The following PDE4D variants were observed in gnomAD, a reference collection of about 807,000 sequenced individuals.
PDE4D encodes 3',5'-cyclic-AMP phosphodiesterase 4D.
Under a neutral mutation model 87.4 loss-of-function variants are expected in PDE4D, and 24 were observed. The observed-to-expected ratio is 0.27, with a 90% CI of 0.20 to 0.39. PDE4D has a LOEUF of 0.39. Ranked by LOEUF, PDE4D falls within the 10% of genes least tolerant of loss-of-function variation. PDE4D has a pLI of 1.00. For missense variants in PDE4D, 714 were observed against 1,041.0 expected (o/e 0.69, Z 4.32); for synonymous variants, 384 against 383.2 (o/e 1.00, Z -0.02).
At chr5:59,150,101 T>G (rs891362301) in intron 5 of PDE4D, among the ~76,000 whole-genome samples, 4 of 152,028 alleles carry the variant, frequency 2.6e-5, no homozygotes, top group Non-Finnish European at 5.9e-5. Flanking sequence ...GAATATGTTA[T>G]AGTGTGGTGG....
chr5:59,310,491 T>C (rs918042002), intron 1 of PDE4D, among the ~76,000 whole-genome samples: 1 of 152,188 alleles, frequency 6.6e-6, no homozygotes, highest in Admixed American at 6.5e-5. Context: ...AGGGCATCTG[T>C]ATGTGGTCCA....
At chr5:59,561,783 T>C (rs1414124806) in intron 1 of PDE4D, among the ~76,000 whole-genome samples, 1 of 151,516 alleles carries the variant, frequency 6.6e-6, no homozygotes, top group Non-Finnish European at 1.5e-5. Flanking sequence ...TTCAAAAAAA[T>C]TAGCCAGGCA....
At chr5:59,235,240 A>G (rs1388070047) in intron 1 of PDE4D, among the ~76,000 whole-genome samples, 1 of 152,116 alleles carries the variant, frequency 6.6e-6, no homozygotes, top group Non-Finnish European at 1.5e-5. Context: ...CCATGTCCAA[A>G]AAGAGTTCCA....
intron 3 of PDE4D, among the ~76,000 whole-genome samples, chr5:59,978,891 T>G (rs946570832): frequency 1.3e-5 from 2 of 152,236 alleles, no homozygotes; most frequent in South Asian, 2.1e-4. Context: ...TCTGACTTGC[T>G]GAAGGCTCTA....
At chr5:59,310,181 G>GTCTTT (rs1772293797) in intron 1 of PDE4D, among the ~76,000 whole-genome samples, 1 of 152,122 alleles carries the variant, frequency 6.6e-6, no homozygotes, top group Non-Finnish European at 1.5e-5. Context: ...TTCAAAGACT[G>GTCTTT]GAGACCTTCA....
rs139778228 is a variant in PDE4D, at chr5:59,873,167, C to G, written c.455+20001G>C. 3.9e-5 allele frequency among the ~76,000 whole-genome samples: 6 copies of G among 152,276 alleles called. No homozygotes were observed. In the East Asian group the frequency reaches 1.2e-3, roughly 29 times the overall value. On this transcript the variant is annotated intron_variant, in intron 1 of 14. Coordinates refer to ENST00000340635, the MANE Select transcript of PDE4D (RefSeq NM_001104631.2). Reference sequence around the variant, plus strand: ...CAAGTCATTAAGTCTAATTCCAATTCTCTAGTTCGTGGTTTCAAAGGAAAA... The same window carrying G: ...CAAGTCATTAAGTCTAATTCCAATTGTCTAGTTCGTGGTTTCAAAGGAAAA...
intron 5 of PDE4D, among the ~76,000 whole-genome samples, chr5:59,055,646 C>T (rs1412238480): frequency 6.6e-6 from 1 of 152,124 alleles, no homozygotes; most frequent in African/African-American, 2.4e-5. Flanking sequence ...GGCAGGGAGG[C>T]CCTCCAGGGT....
chr5:59,966,597 C>T (rs1050243056), intron 3 of PDE4D, among the ~76,000 whole-genome samples: 1 of 152,122 alleles, frequency 6.6e-6, no homozygotes, highest in Non-Finnish European at 1.5e-5. Context: ...TGAAAAATGT[C>T]TTTTAAATAA....
At chr5:60,321,514 G>A (rs1275373799) in intron 1 of PDE4D, among the ~76,000 whole-genome samples, 1 of 152,130 alleles carries the variant, frequency 6.6e-6, no homozygotes, top group African/African-American at 2.4e-5. Context: ...GATGCCAAAA[G>A]CAATTGCAAC....
In PDE4D at chr5:59,082,038, C is replaced by A. The variant is rs112412270; in HGVS notation, c.809-43067G>T. On this transcript the variant is annotated intron_variant, in intron 5 of 14. Transcript: ENST00000340635. ...TGCCCTGTAAAGAGGTGCATTCTGC[C>A]ATGATTATAAGTTTCCTGAGGTCTC... is the stretch of plus-strand genomic sequence containing the variant. Among the ~76,000 whole-genome samples the A allele has an allele frequency of 3.9e-5, 6 of 152,170 alleles. 1 individual carries two copies. The highest frequency in any genetic ancestry group is 1.2e-4 in the African/African-American group (5 of 41,518).
intron 1 of PDE4D, among the ~76,000 whole-genome samples, chr5:59,513,058 A>T (rs761757763): frequency 6.6e-6 from 1 of 152,190 alleles, no homozygotes; most frequent in African/African-American, 2.4e-5. Context: ...GAAGGGCAAA[A>T]TATTCATCTT....
chr5:59,706,525 A>G (rs1753430173), intron 1 of PDE4D, among the ~76,000 whole-genome samples: 2 of 152,222 alleles, frequency 1.3e-5, no homozygotes, highest in South Asian at 4.1e-4. Flanking sequence ...TTATAAGGTT[A>G]GCAAATAAGA....
Position 58,991,988 on chromosome 5 carries a change from C to A in PDE4D, c.1032G>T (p.Val344=). ...SNTFLDKQHE[V]EIPSPTQKEK... ...CCTTCTGAGTTGGAGAAGGAATTTC[C>A]ACTTCATGTTGCTTATCTTGAGAAA... Residue 344 remains valine, a synonymous_variant, in exon 8 of 15, where the codon GTG becomes GTT. Coordinates refer to ENST00000340635, the MANE Select transcript of PDE4D (RefSeq NM_001104631.2). 6.4e-7 allele frequency: 1 copy of A among 1,574,626 alleles called. No homozygotes were observed.
At chr5:59,176,853 C>T (rs1034757309) in intron 5 of PDE4D, among the ~76,000 whole-genome samples, 26 of 152,080 alleles carry the variant, frequency 1.7e-4, no homozygotes, top group Non-Finnish European at 2.9e-5. Flanking sequence ...AAGCTACCAG[C>T]GTCTGTGAAT....
chr5:59,831,350 G>A (rs1198265813), intron 1 of PDE4D, among the ~76,000 whole-genome samples: 4 of 119,632 alleles, frequency 3.3e-5, no homozygotes, highest in East Asian at 2.1e-4. Context: ...AAAAAAAACC[G>A]GGCAAATAAG....
intron 1 of PDE4D, among the ~76,000 whole-genome samples, chr5:59,532,197 T>G (rs1432256265): frequency 6.6e-6 from 1 of 152,118 alleles, no homozygotes; most frequent in Non-Finnish European, 1.5e-5. Flanking sequence ...TGCCGTGGCG[T>G]TATCTCAGCA....
intron 1 of PDE4D, among the ~76,000 whole-genome samples, chr5:59,848,100 A>G (rs1744127358): frequency 6.6e-6 from 1 of 152,048 alleles, no homozygotes; most frequent in Non-Finnish European, 1.5e-5. Flanking sequence ...TTGACGATAA[A>G]AATCTGGCTG....
chr5:59,369,718 C>T (rs146723253), intron 1 of PDE4D, among the ~76,000 whole-genome samples: 253 of 152,176 alleles, frequency 1.7e-3, no homozygotes, highest in African/African-American at 5.7e-3. Context: ...ATTCTGTAAA[C>T]GGTCTCAGCA....
intron 1 of PDE4D, among the ~76,000 whole-genome samples, chr5:60,493,929 A>G (rs1402768863): frequency 1.3e-5 from 2 of 152,200 alleles, no homozygotes; most frequent in Admixed American, 6.5e-5. Flanking sequence ...AGGACAAACG[A>G]ACATTGGAAA....
Sources: allele counts gnomAD v4.1 joint callset (sites outside exome capture counted in the v4.1 genomes callset), GRCh38; gene constraint gnomAD v4.1.1; transcripts MANE v1.5; gene names NCBI Gene and HGNC (gene_info 2026-07-23, HGNC 2026-07-21).